HECA: variants seen among roughly 807,000 people sequenced by gnomAD.
HECA encodes the protein headcase protein homolog.
A neutral mutation model predicts 37.6 loss-of-function variants in HECA; 13 were observed. The observed-to-expected ratio is 0.35, with a 90% CI of 0.23 to 0.55. HECA has a LOEUF of 0.55. HECA is among the 20% of genes least tolerant of loss of function. The pLI, the probability that HECA is intolerant of heterozygous loss-of-function variation, is 0.90. For synonymous variants in HECA, 307 were observed against 291.5 expected (o/e 1.05, Z -0.54); for missense variants, 527 against 701.9 (o/e 0.75, Z 2.82).
intron 1 of HECA, among the ~76,000 whole-genome samples, chr6:139,136,530 A>G (rs1239629304): frequency 6.6e-6 from 1 of 152,140 alleles, no homozygotes; most frequent in Non-Finnish European, 1.5e-5. Flanking sequence ...TTCCAGGAAG[A>G]CAACGTAGGT....
At chr6:139,173,779 G>A (rs900413651) in intron 2 of HECA, among the ~76,000 whole-genome samples, 4 of 152,072 alleles carry the variant, frequency 2.6e-5, no homozygotes, top group African/African-American at 4.8e-5. Flanking sequence ...TTAAGAGCTC[G>A]GTGAATAATA....
chr6:139,138,844 AC>A (rs954579425), intron 1 of HECA, among the ~76,000 whole-genome samples: 8 of 152,280 alleles, frequency 5.3e-5, no homozygotes, highest in East Asian at 3.9e-4. Flanking sequence ...GTAAAAGACC[AC>A]CCCATCTTTT....
intron 1 of HECA, among the ~76,000 whole-genome samples, chr6:139,137,370 C>A (rs1042726143): frequency 7.2e-5 from 11 of 152,060 alleles, no homozygotes; most frequent in African/African-American, 2.7e-4. Context: ...TCAGAGTGCC[C>A]CTTCCCTATT....
At chr6:139,155,371 G>A (rs901854390) in intron 1 of HECA, among the ~76,000 whole-genome samples, 11 of 152,164 alleles carry the variant, frequency 7.2e-5, no homozygotes, top group Non-Finnish European at 1.3e-4. Flanking sequence ...GAAGGCCTAG[G>A]ACATTACATT....
At chr6:139,137,774 C>A (rs1774468085) in intron 1 of HECA, among the ~76,000 whole-genome samples, 1 of 151,602 alleles carries the variant, frequency 6.6e-6, no homozygotes, top group African/African-American at 2.4e-5. Flanking sequence ...TTGTACATAA[C>A]AAACTGGTTA....
chr6:139,177,036 A>G lies in HECA; in HGVS notation c.1563A>G (p.Pro521=), dbSNP rs751371934. ...FSEYSNVQQC[P]HCGNLDYHFV... ...AATATAGCAACGTCCAGCAGTGTCC[A>G]CACTGTGGGAACCTGGACTACCACT... is the stretch of plus-strand genomic sequence containing the variant. Residue 521 remains proline (P), a synonymous_variant, in exon 4 of 4, where the codon CCA becomes CCG. Transcript: ENST00000367658. This position sits in a 1 kb window ranked among gnomAD's most constrained non-coding sequence, Gnocchi z 4.9. 2.3e-6 allele frequency: 2 copies of G among 872,182 alleles called. No individual in the cohort carries two copies. Among genetic ancestry groups the G allele is most frequent in the African/African-American group, 1.6e-5 (1 of 61,312 alleles). The allele number at this position is 872,182 out of a possible 1,614,324, so 54.0% of individuals were successfully genotyped here.
intron 1 of HECA, among the ~76,000 whole-genome samples, chr6:139,147,831 G>A (rs1481221157): frequency 2.6e-5 from 4 of 152,184 alleles, no homozygotes; most frequent in African/African-American, 9.7e-5. Context: ...TAACTAGCAT[G>A]TGATTATCTT....
intron 1 of HECA, chr6:139,144,166 TTCATTAGATCCTAA>T (rs1366770484): frequency 1.5e-4 from 23 of 152,326 alleles, no homozygotes; most frequent in African/African-American, 4.1e-4. Flanking sequence ...TAGATCCTCA[TTCATTAGATCCTAA>T]TTCATTGTTT....
At position 139,135,201 on chromosome 6, in the gene HECA, C is replaced by T. The variant is rs988893271; in HGVS notation, c.-196C>T. 11 of 316,652 alleles carry T rather than the reference C, an allele frequency of 3.5e-5. No homozygotes were observed. The highest frequency in any genetic ancestry group is 2.5e-4 in the African/African-American group (11 of 44,626). The allele number at this position is 316,652 out of a possible 1,614,324, so 19.6% of individuals were successfully genotyped here. On this transcript the variant is annotated 5_prime_UTR_variant, in exon 1 of 4. Transcript: ENST00000367658. ...CGAGCCTCGGGTGGCCGCGTGCCGG[C>T]TCCAGGAAGCCGGAGAGGGCGCGGC... is the stretch of plus-strand genomic sequence containing the variant.
rs1390462564 is a variant in HECA, at chr6:139,166,354, G to A, written c.342G>A (p.Gln114=). 6 of 1,614,030 alleles carry A rather than the reference G, an allele frequency of 3.7e-6. No homozygotes were observed. In the South Asian group the frequency reaches 4.4e-5, roughly 12 times the overall value. The change falls in exon 2 of 4, where the codon CAG becomes CAA. Residue 114 remains glutamine, a synonymous_variant. Coordinates refer to ENST00000367658, the MANE Select transcript of HECA (RefSeq NM_016217.3). ...TGGACCTGGAGAAGGACGACTACCA[G>A]AAGGTGGTGTGCAACAACGAGCACT... ...RPVDLEKDDY[Q]KVVCNNEHCP... is the part of the protein sequence containing the mutation.
At chr6:139,144,548 AGGCTGGAAAGGG>A (rs1369357803) in intron 1 of HECA, 3 of 152,592 alleles carry the variant, frequency 2.0e-5, no homozygotes, top group Non-Finnish European at 4.4e-5. Context: ...GTAGGACTGG[AGGCTGGAAAGGG>A]GGCTGGGTCA....
In HECA at chr6:139,166,679, A is replaced by G. The variant is rs1774890607; in HGVS notation, c.667A>G (p.Lys223Glu). 6.2e-7 allele frequency: 1 copy of G among 1,613,770 alleles called. No homozygotes were observed. Among genetic ancestry groups the G allele is most frequent in the Non-Finnish European group, 8.5e-7 (1 of 1,179,828 alleles). Reference sequence around the variant, plus strand: ...TCCTGGTGAGGCGGCGGAGGAGGCAAAAAAGTGCAGGCCCCCAAATAAGCC... The same window carrying G: ...TCCTGGTGAGGCGGCGGAGGAGGCAGAAAAGTGCAGGCCCCCAAATAAGCC... ...RPPGEAAEEA[K>E]KCRPPNKPQK... The change falls in exon 2 of 4, where the codon AAA becomes GAA. Residue 223 changes from lysine to glutamate, a missense_variant. Coordinates refer to ENST00000367658, the MANE Select transcript of HECA (RefSeq NM_016217.3).
intron 1 of HECA, among the ~76,000 whole-genome samples, chr6:139,152,764 TA>T (rs1283388210): frequency 1.3e-5 from 2 of 152,244 alleles, no homozygotes; most frequent in Non-Finnish European, 2.9e-5. Flanking sequence ...AAAAAGGTCT[TA>T]AAAATATTTG....
At chr6:139,139,398 A>G (rs1774487459) in intron 1 of HECA, among the ~76,000 whole-genome samples, 1 of 152,268 alleles carries the variant, frequency 6.6e-6, no homozygotes, top group Non-Finnish European at 1.5e-5. Context: ...TAAATAGATT[A>G]CATACATTAG....
At chr6:139,160,881 T>C (rs10457029) in intron 1 of HECA, among the ~76,000 whole-genome samples, 107,862 of 151,930 alleles carry the variant, frequency 0.71, 39,538 homozygotes, top group African/African-American at 0.86. Context: ...TAAAGTGTTT[T>C]CATGTACATG....
In HECA at chr6:139,171,323, T is replaced by C. The variant is rs566886107; in HGVS notation, c.1313-3062T>C. Among the ~76,000 whole-genome samples, 7 of 152,278 alleles carry C rather than the reference T, an allele frequency of 4.6e-5. No individual in the cohort carries two copies. In the East Asian group the frequency reaches 1.2e-3, roughly 25 times the overall value. On this transcript the variant is annotated intron_variant, in intron 2 of 3. Coordinates refer to ENST00000367658, the MANE Select transcript of HECA (RefSeq NM_016217.3). The stretch of plus-strand genomic sequence containing the variant: ...TGAAGAAAGAGGTGAAAATTAGGCC[T>C]GAGTACTTGTGTGTGCGTATATATA...
chr6:139,151,556 T>A (rs935257535), intron 1 of HECA, among the ~76,000 whole-genome samples: 1 of 152,160 alleles, frequency 6.6e-6, no homozygotes, highest in African/African-American at 2.4e-5. Context: ...CAAAGGAAAA[T>A]CCTCCTCTTT....
chr6:139,142,639 CAG>C (rs1473131676), intron 1 of HECA, among the ~76,000 whole-genome samples: 8 of 152,064 alleles, frequency 5.3e-5, no homozygotes, highest in African/African-American at 9.7e-5. Context: ...GTTTTTAAAA[CAG>C]AGATTTTAAA....
intron 1 of HECA, among the ~76,000 whole-genome samples, chr6:139,139,080 T>G (rs1255638640): frequency 3.3e-5 from 5 of 152,340 alleles, no homozygotes; most frequent in Non-Finnish European, 7.3e-5. Context: ...TTTTATAAAT[T>G]CCTGTTATTG....
Sources: allele counts gnomAD v4.1 joint callset (sites outside exome capture counted in the v4.1 genomes callset), GRCh38; gene constraint gnomAD v4.1.1; non-coding constraint Gnocchi (gnomAD v3.1); transcripts MANE v1.5; gene names NCBI Gene and HGNC (gene_info 2026-07-23, HGNC 2026-07-21).